Variants in CDIN1 observed in about 807,000 individuals in gnomAD.
CDIN1 encodes CDAN1 interacting nuclease 1.
CDIN1 carries 33 observed loss-of-function variants against 45.3 expected under a neutral mutation model. The ratio of observed to expected loss-of-function variants is 0.73; its 90% CI spans 0.55 to 0.97. CDIN1 has a LOEUF of 0.97. Among genes scored for constraint, CDIN1 ranks in the 50% least tolerant of loss-of-function variants. The pLI, the probability that CDIN1 is intolerant of heterozygous loss-of-function variation, is 0.00. For missense variants in CDIN1, 303 were observed against 339.4 expected, an observed-to-expected ratio of 0.89 and a Z score of 0.84; for synonymous variants, 118 against 124.4, an observed-to-expected ratio of 0.95 and a Z score of 0.34.
chr15:36,752,254 G>C (rs550234436), intron 10 of CDIN1, among the ~76,000 whole-genome samples: 1 of 152,294 alleles, frequency 6.6e-6, no homozygotes, highest in African/African-American at 2.4e-5. Flanking sequence ...CAGGATAACT[G>C]TCCTGGTTAT....
At position 36,585,752 on chromosome 15, in the gene CDIN1, A is replaced by G. The variant is rs139876986; in HGVS notation, c.101+5791A>G. Among the ~76,000 whole-genome samples the G allele has an allele frequency of 1.1e-4, 17 of 152,304 alleles. No individual in the cohort carries two copies. In the East Asian group the frequency reaches 3.1e-3, roughly 28 times the overall value. The stretch of plus-strand genomic sequence containing the variant: ...TTAATAGCTTTATAATCAACAAATA[A>G]AACTAAAGGTGTTTTATAATAGGAA... On this transcript the variant is annotated intron_variant, in intron 1 of 10. Coordinates refer to ENST00000566621, the MANE Select transcript of CDIN1 (RefSeq NM_001321759.2).
chr15:36,645,332 A>G, intron 3 of CDIN1, 45 bp downstream of exon 3: 7 of 1,353,820 alleles, frequency 5.2e-6, no homozygotes, highest in Non-Finnish European at 7.1e-6. Flanking sequence ...GTACCTATTA[A>G]TTGTAATAAT....
chr15:36,657,701 G>T, intron 4 of CDIN1, 132 bp from the exon 5 acceptor site: 1 of 663,118 alleles, frequency 1.5e-6, no homozygotes, highest in Non-Finnish European at 2.5e-6. Flanking sequence ...ACCAAGGGTG[G>T]GAAAGATTTT....
intron 10 of CDIN1, among the ~76,000 whole-genome samples, chr15:36,719,229 T>C (rs1218981402): frequency 6.6e-6 from 1 of 152,014 alleles, no homozygotes; most frequent in African/African-American, 2.4e-5. Context: ...GTCTCTAAAA[T>C]AAATAGAAAA....
chr15:36,654,538 G>C (rs1428251584), intron 4 of CDIN1, among the ~76,000 whole-genome samples: 1 of 145,698 alleles, frequency 6.9e-6, no homozygotes, highest in Non-Finnish European at 1.5e-5. Context: ...AAAAACTGCT[G>C]TTATAAAAAT....
intron 10 of CDIN1, among the ~76,000 whole-genome samples, chr15:36,743,474 A>G (rs1230067362): frequency 6.6e-6 from 1 of 152,162 alleles, no homozygotes; most frequent in East Asian, 1.9e-4. Context: ...ATCAAATGCA[A>G]TAATCAGAAC....
chr15:36,751,849 G>T (rs1312611917), intron 10 of CDIN1, among the ~76,000 whole-genome samples: 1 of 152,176 alleles, frequency 6.6e-6, no homozygotes, highest in Non-Finnish European at 1.5e-5. Context: ...CCTTCGCAGG[G>T]TCATGGATGG....
chr15:36,746,065 G>C (rs899605343), intron 10 of CDIN1, among the ~76,000 whole-genome samples: 8 of 152,140 alleles, frequency 5.3e-5, no homozygotes, highest in African/African-American at 1.9e-4. Context: ...GAAAGGAACA[G>C]GATCCAGGTA....
chr15:36,705,350 T>A (rs1479283637), intron 8 of CDIN1: 3 of 152,180 alleles, frequency 2.0e-5, no homozygotes, highest in African/African-American at 7.2e-5. Flanking sequence ...TCTCTTACAT[T>A]TCAAGATCTT....
rs184566966 is a variant in CDIN1, at chr15:36,777,679, C to T, written c.717-30645C>T. Among the ~76,000 whole-genome samples the T allele has an allele frequency of 9.2e-5, 14 of 152,276 alleles. No homozygotes were observed. The East Asian group carries it at 2.3e-3, about 25-fold the overall frequency. On this transcript the variant is annotated intron_variant, in intron 10 of 10. Coordinates refer to ENST00000566621, the MANE Select transcript of CDIN1 (RefSeq NM_001321759.2). ...TTTCACTAGGGCAGTGGCCCAGTCT[C>T]GTCTCACTGCAACCTCCGCCTCCCA... is the stretch of plus-strand genomic sequence containing the variant.
At chr15:36,702,029 C>G (rs1212034464) in intron 8 of CDIN1, 1 of 701,782 alleles carries the variant, frequency 1.4e-6, no homozygotes, top group Non-Finnish European at 2.6e-6. Flanking sequence ...GAAGGACAGG[C>G]AGCAGGAGCA....
intron 10 of CDIN1, among the ~76,000 whole-genome samples, chr15:36,712,426 C>T (rs938147375): frequency 1.6e-4 from 24 of 151,892 alleles, no homozygotes; most frequent in African/African-American, 4.3e-4. Context: ...ACACCACTCC[C>T]GGCTAATTTT....
chr15:36,808,168 G>A (rs574322189), intron 10 of CDIN1, among the ~76,000 whole-genome samples, 156 bp from the exon 11 acceptor site: 71 of 152,202 alleles, frequency 4.7e-4, no homozygotes, highest in Middle Eastern at 6.8e-3. Flanking sequence ...GAACTCTTTG[G>A]TATAAGTTTG....
chr15:36,702,193 C>T (rs368191443), intron 8 of CDIN1: 28 of 697,036 alleles, frequency 4.0e-5, no homozygotes, highest in East Asian at 3.2e-4. Context: ...CTTGTCTATC[C>T]GAAGGTTAAA....
rs2042540394 is a variant in CDIN1 at position 36,699,121 on chromosome 15, A to G, written c.544+1731A>G. ...ATATTTAATTGATCTTTAAAAATAA[A>G]TGAAATATAGGAAGTTTATGCAACC... On this transcript the variant is annotated intron_variant, in intron 8 of 10. Coordinates refer to ENST00000566621, the MANE Select transcript of CDIN1 (RefSeq NM_001321759.2). 4.6e-5 allele frequency among the ~76,000 whole-genome samples: 7 copies of G among 152,292 alleles called. No homozygotes were observed. The South Asian group carries it at 1.5e-3, about 32-fold the overall frequency.
At chr15:36,724,744 CAT>C (rs1394731850) in intron 10 of CDIN1, among the ~76,000 whole-genome samples, 2 of 152,216 alleles carry the variant, frequency 1.3e-5, no homozygotes, top group East Asian at 3.9e-4. Context: ...AATTATGACT[CAT>C]AGCAAATTAA....
At chr15:36,649,419 A>G (rs2040484696) in intron 3 of CDIN1, among the ~76,000 whole-genome samples, 3 of 152,114 alleles carry the variant, frequency 2.0e-5, no homozygotes, top group Admixed American at 6.5e-5. Context: ...CAGTTAAAAC[A>G]ACTTTATACA....
chr15:36,690,313 G>C (rs1049967514), intron 5 of CDIN1, among the ~76,000 whole-genome samples: 4 of 150,976 alleles, frequency 2.6e-5, no homozygotes, highest in African/African-American at 7.3e-5. Flanking sequence ...CCGTTGCCCA[G>C]GCTGGAGTGC....
chr15:36,741,394 C>G (rs2044232230), intron 10 of CDIN1, among the ~76,000 whole-genome samples: 1 of 150,760 alleles, frequency 6.6e-6, no homozygotes, highest in Non-Finnish European at 1.5e-5. Context: ...TGAAAAACTT[C>G]AAAGACCAGT....
Sources: gnomAD v4.1 joint callset for allele counts (sites outside exome capture counted in the v4.1 genomes callset) on GRCh38, gnomAD v4.1.1 for gene constraint, MANE v1.5 for transcripts, NCBI Gene and HGNC (gene_info 2026-07-23, HGNC 2026-07-21) for gene names.